The following COL6A5 variants were observed in gnomAD, a reference collection of about 807,000 sequenced individuals.
The protein encoded by COL6A5 is collagen type VI alpha 5 chain, also known as collagen alpha-5(VI) chain.
COL6A5 carries 48 observed loss-of-function variants against 65.6 expected under a neutral mutation model. The observed-to-expected ratio is 0.73, with a 90% CI of 0.58 to 0.93. The LOEUF (loss-of-function observed/expected upper bound fraction) is 0.93, where lower values mean the gene tolerates loss of function less well. Ranked by LOEUF, COL6A5 falls within the 40% of genes least tolerant of loss-of-function variation. The probability of loss-of-function intolerance (pLI) is 0.00; values close to 1 mark genes in which losing one functional copy is unlikely to be tolerated. For synonymous variants in COL6A5, 291 were observed against 322.8 expected, an observed-to-expected ratio of 0.90 and a Z score of 1.05; for missense variants, 914 against 928.3, an observed-to-expected ratio of 0.98 and a Z score of 0.20.
In COL6A5 at chr3:130,396,749, C is replaced by T. The variant is rs78023755; in HGVS notation, c.3569-834C>T. ...TCATTGTTCTCCAGTTCATTTTCCTCACACCCTGCCCACTTGAATCATTTA... is the reference window on the plus strand; with the variant it reads ...TCATTGTTCTCCAGTTCATTTTCCTTACACCCTGCCCACTTGAATCATTTA... On this transcript the variant is annotated intron_variant and NMD_transcript_variant, in intron 8 of 41. Coordinates refer to the COL6A5 transcript ENST00000312481. 9.2e-3 allele frequency among the ~76,000 whole-genome samples: 1,409 copies of T among 152,344 alleles called. 21 individuals carry two copies. The highest frequency in any genetic ancestry group is 0.032 in the African/African-American group (1,331 of 41,572).
At chr3:130,470,966 T>G (rs746884012) in exon 7 of COL6A5, 1 of 1,608,332 alleles carries the variant, frequency 6.2e-7, no homozygotes, top group Non-Finnish European at 8.5e-7. Flanking sequence ...AAACACTGTA[T>G]TGTGAGTTGA....
chr3:130,350,457 C>T (rs1266468649), intron 1 of COL6A5, among the ~76,000 whole-genome samples: 1 of 152,206 alleles, frequency 6.6e-6, no homozygotes, highest in Non-Finnish European at 1.5e-5. Flanking sequence ...GCAACTTCAG[C>T]AAAGTCTCAG....
chr3:130,406,878 G>A (rs2107670141), intron 17 of COL6A5, among the ~76,000 whole-genome samples: 1 of 152,238 alleles, frequency 6.6e-6, no homozygotes, highest in Middle Eastern at 3.4e-3. Flanking sequence ...TTTGTCATGT[G>A]CCAGGCACCT....
chr3:130,371,580 G>A (rs1172271350), intron 1 of COL6A5, among the ~76,000 whole-genome samples: 14 of 152,068 alleles, frequency 9.2e-5, no homozygotes. Flanking sequence ...TGAAAGAAAA[G>A]TCTTTTCAAC....
chr3:130,469,305 A>C, exon 6 of COL6A5: 1 of 1,613,044 alleles, frequency 6.2e-7, no homozygotes, highest in Non-Finnish European at 8.5e-7. Context: ...CTGAGAGCCA[A>C]GTGTCAAGGC....
chr3:130,408,695 C>T (rs578103525), intron 17 of COL6A5, among the ~76,000 whole-genome samples: 110 of 152,140 alleles, frequency 7.2e-4, no homozygotes, highest in African/African-American at 1.9e-3. Context: ...CAGAACCTGC[C>T]GACATGTGAT....
At chr3:130,452,990 C>G (rs1328559885) in intron 4 of COL6A5, among the ~76,000 whole-genome samples, 1 of 152,136 alleles carries the variant, frequency 6.6e-6, no homozygotes, top group African/African-American at 2.4e-5. Flanking sequence ...CACCAGTGGT[C>G]AGAGTTTAAG....
intron 1 of COL6A5, among the ~76,000 whole-genome samples, chr3:130,439,292 C>T (rs1377584194): frequency 1.3e-5 from 2 of 150,992 alleles, no homozygotes; most frequent in African/African-American, 2.4e-5. Flanking sequence ...GATGATGATA[C>T]TTGTTCTATA....
At chr3:130,440,749 A>G (rs1455052497) in exon 3 of COL6A5, 2 of 1,613,406 alleles carry the variant, frequency 1.2e-6, no homozygotes, top group East Asian at 2.2e-5. Flanking sequence ...AACACCTGAT[A>G]CAGCTTGGGA....
In COL6A5 at chr3:130,369,147, G is replaced by A. The variant is rs565691915; in HGVS notation, c.-28-4464G>A. The stretch of plus-strand genomic sequence containing the variant: ...CTAGAAGGCAGGCATTAGGGAGAAG[G>A]GAAATAGTGTAGAGGACAGAGGGGA... On this transcript the variant is annotated intron_variant and NMD_transcript_variant, in intron 1 of 41. Transcript: ENST00000312481. Among the ~76,000 whole-genome samples, 6 of 152,240 alleles carry A rather than the reference G, an allele frequency of 3.9e-5. No homozygotes were observed. The South Asian group carries it at 8.3e-4, about 21-fold the overall frequency.
chr3:130,408,619 C>T (rs907419825), intron 17 of COL6A5, among the ~76,000 whole-genome samples: 3 of 152,080 alleles, frequency 2.0e-5, no homozygotes, highest in South Asian at 4.2e-4. Flanking sequence ...ACTCCCTATT[C>T]GTACACCACT....
intron 1 of COL6A5, among the ~76,000 whole-genome samples, chr3:130,350,731 C>T (rs914974489): frequency 1.3e-5 from 2 of 152,184 alleles, no homozygotes; most frequent in Non-Finnish European, 2.9e-5. Context: ...AATGGCCATA[C>T]TGCCCAAGGT....
exon 6 of COL6A5, chr3:130,469,045 G>A (rs758139915): frequency 1.9e-6 from 3 of 1,612,740 alleles, no homozygotes; most frequent in South Asian, 1.1e-5. Flanking sequence ...CAGGCTATAT[G>A]CCTAACACTG....
intron 4 of COL6A5, among the ~76,000 whole-genome samples, chr3:130,450,360 T>A (rs1164678962): frequency 6.6e-6 from 1 of 152,130 alleles, no homozygotes; most frequent in Non-Finnish European, 1.5e-5. Flanking sequence ...TTTGGCCATG[T>A]GTGTTGAGCC....
At chr3:130,408,862 G>A (rs7623416) in intron 17 of COL6A5, among the ~76,000 whole-genome samples, 3,897 of 152,282 alleles carry the variant, frequency 0.026, 163 homozygotes, top group African/African-American at 0.087. Context: ...GTTTTCAGTG[G>A]GCAATTTAAT....
chr3:130,484,733 T>C, exon 8 of COL6A5: 1 of 398,818 alleles, frequency 2.5e-6, no homozygotes, highest in Middle Eastern at 6.2e-4. Context: ...TACTGAATTT[T>C]TGCAGCAAAA....
chr3:130,416,226 A>C (rs1453906864), intron 23 of COL6A5, among the ~76,000 whole-genome samples: 1 of 152,130 alleles, frequency 6.6e-6, no homozygotes, highest in African/African-American at 2.4e-5. Context: ...AAATCTATTC[A>C]GTTCTGCTCA....
chr3:130,355,422 C>A (rs1310191733), intron 1 of COL6A5, among the ~76,000 whole-genome samples: 1 of 151,974 alleles, frequency 6.6e-6, no homozygotes, highest in East Asian at 1.9e-4. Flanking sequence ...CTAATTTTAT[C>A]TTTCATAGGT....
chr3:130,469,095 A>G lies in COL6A5; in HGVS notation c.1847A>G (p.Tyr616Cys), dbSNP rs776259194. The G allele has an allele frequency of 1.6e-5, 26 of 1,612,928 alleles. No individual in the cohort carries two copies. The African/African-American group carries it at 2.3e-4, about 14-fold the overall frequency. Residue 616 changes from tyrosine to cysteine, a missense_variant, in exon 6 of 8, where the codon TAT (tyrosine) becomes TGT (cysteine). Transcript: ENST00000512836. ...TACCTGGAATTTGATTTGGTTACTT[A>G]TAACAGTATACACCAAATGAAACAT...
Sources: allele counts gnomAD v4.1 joint callset (sites outside exome capture counted in the v4.1 genomes callset), GRCh38; gene constraint gnomAD v4.1.1; transcripts MANE v1.5; gene names NCBI Gene and HGNC (gene_info 2026-07-23, HGNC 2026-07-21).